ABCC2: variants seen among roughly 807,000 people sequenced by gnomAD.
ABCC2 encodes the protein ATP-binding cassette sub-family C member 2.
Under a neutral mutation model 173.4 loss-of-function variants are expected in ABCC2, and 157 were observed. The observed-to-expected ratio is 0.91, with a 90% CI of 0.80 to 1.03. The LOEUF is 1.03. Among genes scored for constraint, ABCC2 ranks in the 50% least tolerant of loss-of-function variants. The pLI is 0.00. For missense variants in ABCC2, 1,822 were observed against 1,852.3 expected (o/e 0.98, Z 0.30); for synonymous variants, 657 against 693.5 (o/e 0.95, Z 0.83).
At chr10:99,815,807 CACTAATGA>C (rs1391018701) in intron 16 of ABCC2, among the ~76,000 whole-genome samples, 2 of 152,128 alleles carry the variant, frequency 1.3e-5, no homozygotes, top group African/African-American at 4.8e-5. Context: ...ATTTAGCAAT[CACTAATGA>C]ACTAATCTGC....
At chr10:99,831,538 G>T in intron 21 of ABCC2, 73 bp from the exon 22 acceptor site, 1 of 1,457,668 alleles carries the variant, frequency 6.9e-7, no homozygotes, top group South Asian at 1.1e-5. Context: ...TCTCCTTGTG[G>T]TTGGCATTCT....
intron 30 of ABCC2, among the ~76,000 whole-genome samples, chr10:99,849,737 G>T (rs924333914): frequency 7.9e-5 from 12 of 152,176 alleles, no homozygotes; most frequent in African/African-American, 2.9e-4. Context: ...AAAACTGGAA[G>T]TTCATCTTGG....
intron 16 of ABCC2, among the ~76,000 whole-genome samples, chr10:99,814,100 T>TACACATATATGTGTATATAC (rs2038268313): frequency 1.4e-5 from 2 of 146,670 alleles, no homozygotes; most frequent in African/African-American, 5.2e-5. Context: ...CACATATATA[T>TACACATATATGTGTATATAC]ACACACATAT....
Position 99,830,421 on chromosome 10 carries a change from C to T in ABCC2, c.2735C>T (p.Thr912Ile), listed in dbSNP as rs750091935. The change falls in exon 20 of 32, where the codon ACA becomes ATA. Residue 912 changes from threonine (T) to isoleucine (I), a missense_variant. Physicochemically the swap from Thr to Ile is moderately conservative, Grantham distance 89 (BLOSUM62 -1). Transcript: ENST00000647814. ...TMRRENSFRRTLSRSSRSNGR... is the reference protein window; with the variant it reads ...TMRRENSFRRILSRSSRSNGR... The stretch of plus-strand genomic sequence containing the variant: ...AGAAGAGAGAACAGCTTTCGTCGAA[C>T]ACTTAGCCGCAGGTTGGCTATCTAT... The T allele has an allele frequency of 5.0e-6, 8 of 1,614,110 alleles. No homozygotes were observed. The highest frequency in any genetic ancestry group is 5.9e-6 in the Non-Finnish European group (7 of 1,180,032).
At chr10:99,839,058 CG>C (rs2038882139) in intron 25 of ABCC2, among the ~76,000 whole-genome samples, 1 of 137,498 alleles carries the variant, frequency 7.3e-6, no homozygotes, top group Non-Finnish European at 1.6e-5. Flanking sequence ...CCTCACCTCC[CG>C]GACGGGGCGG....
intron 2 of ABCC2, among the ~76,000 whole-genome samples, chr10:99,787,593 C>T (rs930854847): frequency 6.6e-6 from 1 of 152,192 alleles, no homozygotes; most frequent in Admixed American, 6.5e-5. Flanking sequence ...AACATGACAT[C>T]TCACTGAGTT....
intron 7 of ABCC2, 163 bp downstream of exon 7, chr10:99,797,494 G>A: frequency 1.5e-6 from 1 of 687,774 alleles, no homozygotes. Flanking sequence ...CTTAGTGATG[G>A]ATACATGGCG....
chr10:99,845,479 A>G, intron 28 of ABCC2, 145 bp from the exon 29 acceptor site: 1 of 1,079,088 alleles, frequency 9.3e-7, no homozygotes, highest in Non-Finnish European at 1.4e-6. Flanking sequence ...TTTTTTCCTC[A>G]CCAAAACCAA....
intron 7 of ABCC2, chr10:99,798,096 A>G (rs959176523): frequency 1.5e-4 from 23 of 152,434 alleles, no homozygotes; most frequent in African/African-American, 5.3e-4. Flanking sequence ...AGGAATCTGG[A>G]CTTTGTCTGA....
Position 99,850,591 on chromosome 10 carries a change from A to G in ABCC2, c.4314-11A>G, listed in dbSNP as rs1388671985. The G allele has an allele frequency of 5.0e-6, 8 of 1,613,884 alleles. No individual in the cohort carries two copies. Among genetic ancestry groups the G allele is most frequent in the African/African-American group, 2.7e-5 (2 of 74,912 alleles). On this transcript the variant is annotated splice_polypyrimidine_tract_variant and intron_variant, in intron 30 of 31. Transcript: ENST00000647814. ...TAGGAGCTAACACATGGTTGCTTCTATTGGCTGCAGCATAGGCCAGAGGCA... is the reference window on the plus strand; with the variant it reads ...TAGGAGCTAACACATGGTTGCTTCTGTTGGCTGCAGCATAGGCCAGAGGCA...
At chr10:99,816,244 G>A (rs557994197) in intron 16 of ABCC2, among the ~76,000 whole-genome samples, 294 of 151,992 alleles carry the variant, frequency 1.9e-3, no homozygotes, top group Non-Finnish European at 3.4e-3. Context: ...GGAATTACAG[G>A]CGTGAGCCAC....
chr10:99,814,509 A>G (rs202034312), intron 16 of ABCC2, among the ~76,000 whole-genome samples: 6 of 102,730 alleles, frequency 5.8e-5, no homozygotes, highest in South Asian at 6.9e-4. Context: ...ATGTGTGTGT[A>G]TGTGTATATA....
chr10:99,801,055 G>A (rs757263214), intron 9 of ABCC2, among the ~76,000 whole-genome samples: 10 of 152,114 alleles, frequency 6.6e-5, no homozygotes, highest in Non-Finnish European at 1.0e-4. Context: ...ATTTCACCTA[G>A]CAACTTCTTT....
intron 7 of ABCC2, among the ~76,000 whole-genome samples, chr10:99,798,618 C>A (rs1380188093): frequency 1.3e-5 from 2 of 152,162 alleles, no homozygotes; most frequent in African/African-American, 4.8e-5. Flanking sequence ...GGATGCATCA[C>A]TCTGACCTCT....
chr10:99,806,145 C>A (rs2038100228), intron 11 of ABCC2, among the ~76,000 whole-genome samples: 1 of 149,110 alleles, frequency 6.7e-6, no homozygotes, highest in African/African-American at 2.5e-5. Context: ...GGTTATTTGT[C>A]CTATTTCCTG....
chr10:99,848,803 A>G (rs370702635), intron 30 of ABCC2, among the ~76,000 whole-genome samples: 144 of 152,368 alleles, frequency 9.5e-4, no homozygotes, highest in African/African-American at 3.3e-3. Context: ...GTGTAGCCCC[A>G]GGGAACAAGC....
chr10:99,843,087 G>A (rs182404614), intron 26 of ABCC2, among the ~76,000 whole-genome samples: 33 of 151,588 alleles, frequency 2.2e-4, no homozygotes, highest in South Asian at 4.2e-4. Flanking sequence ...AAGGCCCAAT[G>A]TGTTCCTGCC....
At chr10:99,823,495 A>G (rs2038575615) in intron 19 of ABCC2, among the ~76,000 whole-genome samples, 1 of 150,992 alleles carries the variant, frequency 6.6e-6, no homozygotes, top group African/African-American at 2.4e-5. Flanking sequence ...TGTACTACAT[A>G]TGCAGAATCT....
At chr10:99,814,654 C>CATATATGTGTATAT (rs1564685789) in intron 16 of ABCC2, among the ~76,000 whole-genome samples, 5 of 115,698 alleles carry the variant, frequency 4.3e-5, no homozygotes, top group African/African-American at 1.3e-4. Context: ...CATATACACA[C>CATATATGTGTATAT]ACATATGTGT....
Sources: allele counts gnomAD v4.1 joint callset (sites outside exome capture counted in the v4.1 genomes callset), GRCh38; gene constraint gnomAD v4.1.1; transcripts MANE v1.5; gene names NCBI Gene and HGNC (gene_info 2026-07-23, HGNC 2026-07-21).